LRFN5: variants seen among roughly 807,000 people sequenced by gnomAD.
The protein encoded by LRFN5 is leucine-rich repeat and fibronectin type-III domain-containing protein 5.
Under a neutral mutation model 45.6 loss-of-function variants are expected in LRFN5, and 24 were observed. The ratio of observed to expected loss-of-function variants is 0.53; its 90% CI spans 0.38 to 0.74. LRFN5 has a LOEUF of 0.74. Ranked by LOEUF, LRFN5 falls within the 30% of genes least tolerant of loss-of-function variation. LRFN5 has a pLI of 0.00. For missense variants in LRFN5, 776 were observed against 861.5 expected, an observed-to-expected ratio of 0.90 and a Z score of 1.24; for synonymous variants, 340 against 313.8, an observed-to-expected ratio of 1.08 and a Z score of -0.88.
intron 1 of LRFN5, among the ~76,000 whole-genome samples, chr14:41,670,890 T>C (rs1273365469): frequency 1.3e-5 from 2 of 152,098 alleles, no homozygotes; most frequent in Non-Finnish European, 2.9e-5. Context: ...TTATATGTTC[T>C]ATTTCACTTT....
intron 1 of LRFN5, among the ~76,000 whole-genome samples, chr14:41,639,131 A>G (rs1265081039): frequency 1.3e-5 from 2 of 152,054 alleles, no homozygotes; most frequent in Admixed American, 6.6e-5. Context: ...CTGAAATTAT[A>G]TATGTATAAT....
intron 1 of LRFN5, among the ~76,000 whole-genome samples, chr14:41,765,860 G>A (rs555915966): frequency 5.9e-5 from 9 of 152,076 alleles, no homozygotes; most frequent in African/African-American, 2.2e-4. Flanking sequence ...TTAAGCAATA[G>A]CTTAATTTTC....
chr14:41,754,556 G>T (rs151247863), intron 1 of LRFN5, among the ~76,000 whole-genome samples: 1 of 152,108 alleles, frequency 6.6e-6, no homozygotes, highest in African/African-American at 2.4e-5. Flanking sequence ...TTTGCGTAGA[G>T]GTGTTTATAG....
intron 2 of LRFN5, among the ~76,000 whole-genome samples, chr14:41,856,380 T>C (rs1203472334): frequency 6.6e-6 from 1 of 152,208 alleles, no homozygotes; most frequent in Non-Finnish European, 1.5e-5. Context: ...ATGTAAATAG[T>C]GCATAGCCTT....
At chr14:41,617,413 A>T (rs1406779068) in intron 1 of LRFN5, among the ~76,000 whole-genome samples, 1 of 152,132 alleles carries the variant, frequency 6.6e-6, no homozygotes, top group Non-Finnish European at 1.5e-5. Context: ...TTTGGTTCTA[A>T]AGAGGATGCT....
At chr14:41,754,021 A>T (rs965715124) in intron 1 of LRFN5, among the ~76,000 whole-genome samples, 7 of 152,090 alleles carry the variant, frequency 4.6e-5, no homozygotes, top group Admixed American at 1.3e-4. Context: ...ATTGAGATAA[A>T]CATGTGGTTT....
At chr14:41,664,153 C>A (rs926517314) in intron 1 of LRFN5, among the ~76,000 whole-genome samples, 1 of 151,878 alleles carries the variant, frequency 6.6e-6, no homozygotes, top group East Asian at 1.9e-4. Flanking sequence ...AGGTGAGACA[C>A]GAGGGAGTAA....
intron 2 of LRFN5, among the ~76,000 whole-genome samples, chr14:41,808,466 T>A (rs1887612883): frequency 8.1e-6 from 1 of 123,478 alleles, no homozygotes; most frequent in Non-Finnish European, 1.7e-5. Context: ...ATAAGATTAG[T>A]TCTGGAAAAA....
intron 1 of LRFN5, among the ~76,000 whole-genome samples, chr14:41,655,325 A>G (rs1035247232): frequency 6.6e-6 from 1 of 152,060 alleles, no homozygotes; most frequent in Non-Finnish European, 1.5e-5. Context: ...CCTCACTAAT[A>G]ATATTTGAAC....
At chr14:41,747,710 C>T (rs758955329) in intron 1 of LRFN5, among the ~76,000 whole-genome samples, 24 of 151,816 alleles carry the variant, frequency 1.6e-4, no homozygotes, top group African/African-American at 4.4e-4. Context: ...AAGATACTAT[C>T]AATAGAGTAA....
intron 2 of LRFN5, among the ~76,000 whole-genome samples, chr14:41,832,785 T>C (rs1888531009): frequency 6.6e-6 from 1 of 152,220 alleles, no homozygotes; most frequent in South Asian, 2.1e-4. Flanking sequence ...AAAATGCCGT[T>C]CTACTTTTCT....
intron 2 of LRFN5, among the ~76,000 whole-genome samples, chr14:41,862,888 G>C (rs112032377): frequency 5.5e-5 from 7 of 127,126 alleles, no homozygotes; most frequent in African/African-American, 9.1e-5. Context: ...TTTTTGATAC[G>C]GAGTCTTGCT....
At chr14:41,714,188 G>T (rs1005081188) in intron 1 of LRFN5, among the ~76,000 whole-genome samples, 9 of 152,242 alleles carry the variant, frequency 5.9e-5, no homozygotes, top group African/African-American at 2.2e-4. Context: ...AAGTGGATGG[G>T]ATATGGAATT....
At chr14:41,879,027 AT>A (rs929528033) in intron 2 of LRFN5, among the ~76,000 whole-genome samples, 3 of 151,262 alleles carry the variant, frequency 2.0e-5, no homozygotes, top group African/African-American at 4.9e-5. Flanking sequence ...AATTTATATG[AT>A]TTTTTTTTCA....
chr14:41,669,440 G>C (rs1446104314), intron 1 of LRFN5, among the ~76,000 whole-genome samples: 1 of 151,950 alleles, frequency 6.6e-6, no homozygotes, highest in Non-Finnish European at 1.5e-5. Flanking sequence ...ACAAGAAAAT[G>C]TAAAATAGTT....
chr14:41,747,996 A>G lies in LRFN5; in HGVS notation c.-196-18858A>G, dbSNP rs188451120. On this transcript the variant is annotated intron_variant, in intron 1 of 5. Transcript: ENST00000298119. ...TTAGGATGAAGACTCTCCAAAGAAT[A>G]TAAACACAGAAAATAAGAAGACTTG... is the stretch of plus-strand genomic sequence containing the variant. Among the ~76,000 whole-genome samples, 39 of 152,210 alleles carry G rather than the reference A, an allele frequency of 2.6e-4. No individual in the cohort carries two copies. The East Asian group carries it at 7.1e-3, about 28-fold the overall frequency.
At chr14:41,776,243 TTTAG>T (rs1350703427) in intron 2 of LRFN5, among the ~76,000 whole-genome samples, 39 of 152,304 alleles carry the variant, frequency 2.6e-4, no homozygotes, top group African/African-American at 8.9e-4. Context: ...TGACTTCCTG[TTTAG>T]TTAGTTCCAT....
chr14:41,724,953 A>G (rs1210859184), intron 1 of LRFN5, among the ~76,000 whole-genome samples: 2 of 152,016 alleles, frequency 1.3e-5, no homozygotes, highest in Non-Finnish European at 2.9e-5. Context: ...TTTTTTGTCC[A>G]TTTTGTCAGA....
At chr14:41,781,313 G>A (rs12050289) in intron 2 of LRFN5, among the ~76,000 whole-genome samples, 73,413 of 151,538 alleles carry the variant, frequency 0.48, 17,970 homozygotes, top group African/African-American at 0.54. Flanking sequence ...CTTGAGGCCA[G>A]GAGTTCAAAA....
Sources: allele counts gnomAD v4.1 joint callset (sites outside exome capture counted in the v4.1 genomes callset), GRCh38; gene constraint gnomAD v4.1.1; transcripts MANE v1.5; gene names NCBI Gene and HGNC (gene_info 2026-07-23, HGNC 2026-07-21).